The following FREM1 variants were observed in gnomAD, a reference collection of about 807,000 sequenced individuals.
FREM1 encodes the protein FRAS1-related extracellular matrix protein 1.
Under a neutral mutation model 210.1 loss-of-function variants are expected in FREM1, and 220 were observed. That is an observed-to-expected ratio of 1.05 (90% CI 0.94 to 1.17). The LOEUF is 1.17. Ranked by LOEUF, FREM1 falls within the 50% of genes most tolerant of loss-of-function variation. The pLI, the probability that FREM1 is intolerant of heterozygous loss-of-function variation, is 0.00. For missense variants in FREM1, 3,454 were observed against 2,675.5 expected (o/e 1.29, Z -6.42); for synonymous variants, 1,189 against 980.2 (o/e 1.21, Z -3.98).
chr9:14,741,194 T>A (rs1027768718), intron 35 of FREM1, among the ~76,000 whole-genome samples: 2 of 152,346 alleles, frequency 1.3e-5, no homozygotes, highest in East Asian at 1.9e-4. Flanking sequence ...TCCATTGATA[T>A]GAAAAGAAAA....
In FREM1 at chr9:14,819,447, A is replaced by C. The variant is rs1346001827; in HGVS notation, c.2338-5T>G. 6.3e-7 allele frequency: 1 copy of C among 1,592,612 alleles called. No homozygotes were observed. The highest frequency in any genetic ancestry group is 1.3e-5 in the African/African-American group (1 of 74,522). ...TTTCAGAGGGTTGGTGAACGCCTAG[A>C]AAGAAGAAAGGAAGGAAACATTCAA... On this transcript the variant is annotated splice_region_variant and splice_polypyrimidine_tract_variant and intron_variant, in intron 13 of 36. Transcript: ENST00000380880.
At chr9:14,887,989 G>T (rs1240807883) in intron 1 of FREM1, among the ~76,000 whole-genome samples, 1 of 152,078 alleles carries the variant, frequency 6.6e-6, no homozygotes, top group East Asian at 1.9e-4. Flanking sequence ...GTAGAGACAG[G>T]GTTTCACCAT....
At chr9:14,876,341 C>A (rs1333379305) in intron 1 of FREM1, among the ~76,000 whole-genome samples, 3 of 152,184 alleles carry the variant, frequency 2.0e-5, no homozygotes, top group Non-Finnish European at 4.4e-5. Context: ...GCAGTTCGAG[C>A]TTCCTGGCTG....
chr9:14,814,678 T>C (rs1819989591), intron 15 of FREM1, among the ~76,000 whole-genome samples: 1 of 152,186 alleles, frequency 6.6e-6, no homozygotes, highest in African/African-American at 2.4e-5. Flanking sequence ...CTGAGGAATA[T>C]CACCAACAAA....
intron 19 of FREM1, among the ~76,000 whole-genome samples, chr9:14,803,512 C>G (rs932416307): frequency 6.6e-6 from 1 of 151,932 alleles, no homozygotes; most frequent in Non-Finnish European, 1.5e-5. Context: ...GCATGTGTCA[C>G]CAGCCTGGCT....
chr9:14,789,960 T>C (rs917484611), intron 22 of FREM1, among the ~76,000 whole-genome samples: 4 of 152,212 alleles, frequency 2.6e-5, no homozygotes, highest in African/African-American at 9.6e-5. Flanking sequence ...TCATCAGACA[T>C]AATTTTTTAA....
chr9:14,848,173 C>CAT (rs1466179894), intron 7 of FREM1, among the ~76,000 whole-genome samples: 1 of 152,164 alleles, frequency 6.6e-6, no homozygotes, highest in African/African-American at 2.4e-5. Flanking sequence ...TCAACATATA[C>CAT]ATATATATAT....
At chr9:14,780,757 T>C (rs978415316) in intron 24 of FREM1, among the ~76,000 whole-genome samples, 21 of 152,224 alleles carry the variant, frequency 1.4e-4, no homozygotes, top group African/African-American at 4.8e-4. Context: ...CCAAATTCCT[T>C]GCCAAATTTA....
chr9:14,762,443 T>C (rs922898737), intron 27 of FREM1, among the ~76,000 whole-genome samples: 4 of 152,196 alleles, frequency 2.6e-5, no homozygotes, highest in African/African-American at 9.6e-5. Context: ...TAAATGCAAT[T>C]TGATTTCTGA....
Position 14,740,232 on chromosome 9 carries a change from T to C in FREM1, c.6257A>G (p.Tyr2086Cys), listed in dbSNP as rs750323260. Residue 2086 changes from tyrosine (Y) to cysteine (C), a missense_variant and splice_region_variant, in exon 36 of 37, where the codon TAC (tyrosine) becomes TGC (cysteine). Physicochemically the swap from Tyr to Cys is radical, Grantham distance 194 (BLOSUM62 -2). Coordinates refer to ENST00000380880, the MANE Select transcript of FREM1 (RefSeq NM_001379081.2). ...NAAAQACREQ[Y>C]LGNLVTVFSR... ...GAATACAGTTACAAGGTTGCCCAGG[T>C]ATCTAAATGCAAATGAAAATGAGAG... The C allele has an allele frequency of 3.1e-6, 5 of 1,610,780 alleles. No homozygotes were observed. In the Admixed American group the frequency reaches 8.3e-5, roughly 27 times the overall value.
intron 1 of FREM1, among the ~76,000 whole-genome samples, chr9:14,890,553 T>G (rs1433388583): frequency 6.6e-6 from 1 of 152,184 alleles, no homozygotes; most frequent in Non-Finnish European, 1.5e-5. Context: ...TCTTTTTCAT[T>G]AAAACAAAAC....
rs1842575986 is a variant in FREM1 at position 14,747,013 on chromosome 9, T to C, written c.6048A>G (p.Glu2016=). 6.2e-7 allele frequency: 1 copy of C among 1,613,258 alleles called. No homozygotes were observed. Among genetic ancestry groups the C allele is most frequent in the East Asian group, 2.2e-5 (1 of 44,856 alleles). The change falls in exon 34 of 37, where the codon GAA becomes GAG. Residue 2016 remains glutamate, a synonymous_variant. Coordinates refer to ENST00000380880, the MANE Select transcript of FREM1 (RefSeq NM_001379081.2). Reference sequence around the variant, plus strand: ...CTTCAAAATGGAAGAGTCCCTTTAATTCCAGAGTGCAGTTCTTTGGAAATG... The same window carrying C: ...CTTCAAAATGGAAGAGTCCCTTTAACTCCAGAGTGCAGTTCTTTGGAAATG... ...LPSFPKNCTL[E]LKGLFHFEEG... is the part of the protein sequence containing the mutation.
intron 1 of FREM1, among the ~76,000 whole-genome samples, chr9:14,902,954 G>C (rs1000563931): frequency 5.3e-5 from 8 of 152,178 alleles, no homozygotes; most frequent in South Asian, 2.1e-4. Context: ...ATTATGAATA[G>C]GATATAAATT....
chr9:14,891,067 G>A (rs891866373), intron 1 of FREM1, among the ~76,000 whole-genome samples: 5 of 152,122 alleles, frequency 3.3e-5, no homozygotes, highest in Admixed American at 3.3e-4. Flanking sequence ...CTCACACCTA[G>A]GGCCTTCCCC....
intron 24 of FREM1, chr9:14,779,467 A>T (rs1849288392): frequency 1.0e-6 from 1 of 985,158 alleles, no homozygotes; most frequent in Non-Finnish European, 1.2e-6. Context: ...AGCTTGAGTG[A>T]GTGCCAGGGA....
chr9:14,824,794 A>T lies in FREM1; in HGVS notation c.2078+2T>A, dbSNP rs2130831399. 1 of 1,606,756 alleles carries T rather than the reference A, an allele frequency of 6.2e-7. No individual in the cohort carries two copies. Among genetic ancestry groups the T allele is most frequent in the East Asian group, 2.2e-5 (1 of 44,764 alleles). On this transcript the variant is annotated splice_donor_variant, in intron 11 of 36. Coordinates refer to ENST00000380880, the MANE Select transcript of FREM1 (RefSeq NM_001379081.2). LOFTEE classifies it high-confidence loss of function. ...TAGCCCAAATGGTGACTTTTCAGAT[A>T]CCTGTGGCTGAAGGAGAAAAATGGA...
chr9:14,841,973 C>A (rs933998856), intron 9 of FREM1, among the ~76,000 whole-genome samples: 2 of 152,128 alleles, frequency 1.3e-5, no homozygotes, highest in African/African-American at 4.8e-5. Context: ...AAATGTTATT[C>A]ATGAAATTAT....
intron 32 of FREM1, 40 bp downstream of exon 32, chr9:14,747,641 A>C: frequency 8.1e-7 from 1 of 1,235,650 alleles, no homozygotes. Context: ...ACTTGCATCC[A>C]TAAATATAAG....
rs1842669170 is a variant in FREM1 at position 14,747,435 on chromosome 9, G to A, written c.5845-7C>T. On this transcript the variant is annotated splice_polypyrimidine_tract_variant and splice_region_variant and intron_variant, in intron 32 of 36. Transcript: ENST00000380880. ...AGGAAACTATCCCATGATACTTGAG[G>A]AAACCAACAATCAACAACAATAAGG... The A allele has an allele frequency of 6.2e-7, 1 of 1,610,842 alleles. No individual in the cohort carries two copies. Among genetic ancestry groups the A allele is most frequent in the Non-Finnish European group, 8.5e-7 (1 of 1,178,566 alleles).
Sources: allele counts gnomAD v4.1 joint callset (sites outside exome capture counted in the v4.1 genomes callset), GRCh38; gene constraint gnomAD v4.1.1; transcripts MANE v1.5; gene names NCBI Gene and HGNC (gene_info 2026-07-23, HGNC 2026-07-21).